Variants in TTI1 observed in about 807,000 individuals in gnomAD.
TTI1 encodes TELO2-interacting protein 1 homolog.
In TTI1, 52 loss-of-function variants were observed where a neutral mutation model predicts 85.4. That is an observed-to-expected ratio of 0.61 (90% CI 0.49 to 0.77). The LOEUF (loss-of-function observed/expected upper bound fraction) is 0.77, where lower values mean the gene tolerates loss of function less well. Ranked by LOEUF, TTI1 falls within the 30% of genes least tolerant of loss-of-function variation. TTI1 has a pLI of 0.00. For missense variants in TTI1, 1,173 were observed against 1,296.0 expected (o/e 0.91, Z 1.46); for synonymous variants, 512 against 503.9 (o/e 1.02, Z -0.22).
intron 4 of TTI1, among the ~76,000 whole-genome samples, chr20:38,002,001 G>A (rs1202684784): frequency 2.0e-5 from 3 of 152,178 alleles, no homozygotes; most frequent in African/African-American, 7.2e-5. Flanking sequence ...ACAGGCGTGA[G>A]CCACCGCGCC....
chr20:38,013,472 C>T lies in TTI1; in HGVS notation c.345G>A (p.Val115=). The T allele has an allele frequency of 6.2e-7, 1 of 1,614,022 alleles. No homozygotes were observed. Among genetic ancestry groups the T allele is most frequent in the African/African-American group, 1.3e-5 (1 of 75,032 alleles). The change falls in exon 2 of 8, where the codon GTG becomes GTA. Residue 115 remains valine (V), a synonymous_variant. Transcript: ENST00000373447. The part of the protein sequence containing the change: ...YSPSSQKPAA[V]SEELKLAVIQ... ...TCACAGCCAATTTCAACTCCTCGGA[C>T]ACAGCCGCAGGTTTTTGGGAGCTGG...
intron 1 of TTI1, among the ~76,000 whole-genome samples, chr20:38,032,405 G>A (rs949517439): frequency 6.6e-6 from 1 of 152,222 alleles, no homozygotes; most frequent in Non-Finnish European, 1.5e-5. Context: ...CTAAACTAGA[G>A]TCTGCCCACA....
rs769188325 is a variant in TTI1, at chr20:38,012,366, A to T, written c.1451T>A (p.Ile484Asn). The change falls in exon 2 of 8, where the codon ATC (isoleucine) becomes AAC (asparagine). Residue 484 changes from isoleucine to asparagine, a missense_variant. Ile to Asn is a moderately radical substitution (Grantham distance 149). Transcript: ENST00000373447. ...ACAAACCTGCCTCAAGAGCATGAAG[A>T]TTCTCTCATCAGTGAAGAAGCGGAA... ...RYFRFFTDER[I>N]FMLLRQVCQL... The T allele has an allele frequency of 4.3e-6, 7 of 1,614,192 alleles. No individual in the cohort carries two copies. The highest frequency in any genetic ancestry group is 5.1e-6 in the Non-Finnish European group (6 of 1,180,038).
chr20:38,016,118 C>T (rs965535193), intron 1 of TTI1, among the ~76,000 whole-genome samples: 14 of 152,184 alleles, frequency 9.2e-5, no homozygotes, highest in Non-Finnish European at 1.5e-4. Context: ...TGGAATAGCA[C>T]CTACTTACTG....
chr20:38,020,310 G>GAA (rs772839935), intron 1 of TTI1, among the ~76,000 whole-genome samples: 581 of 48,172 alleles, frequency 0.012, 24 homozygotes, highest in East Asian at 0.024. Context: ...CTACTCATAT[G>GAA]AAAAAAAAAA....
chr20:38,020,697 T>A (rs1354944121), intron 1 of TTI1, among the ~76,000 whole-genome samples: 2 of 151,922 alleles, frequency 1.3e-5, no homozygotes, highest in Admixed American at 1.3e-4. Flanking sequence ...AGGACCTGAA[T>A]AGACATATCA....
chr20:38,026,172 T>C (rs940368154), intron 1 of TTI1, among the ~76,000 whole-genome samples: 2 of 152,174 alleles, frequency 1.3e-5, no homozygotes, highest in African/African-American at 4.8e-5. Context: ...AACAATTTTT[T>C]TTTTTGAGAC....
In TTI1 at chr20:38,013,481, A is replaced by G. The variant is rs1353308803; in HGVS notation, c.336T>C (p.Pro112=). The change falls in exon 2 of 8, where the codon CCT becomes CCC. Residue 112 remains proline (P), a synonymous_variant. Transcript: ENST00000373447. ...ATTTCAACTCCTCGGACACAGCCGC[A>G]GGTTTTTGGGAGCTGGGTGAATACA... ...ACLYSPSSQK[P]AAVSEELKLA... 4 of 1,614,030 alleles carry G rather than the reference A, an allele frequency of 2.5e-6. No individual in the cohort carries two copies. The highest frequency in any genetic ancestry group is 2.5e-6 in the Non-Finnish European group (3 of 1,180,046).
At chr20:38,023,447 C>G (rs35291442) in intron 1 of TTI1, among the ~76,000 whole-genome samples, 41,540 of 152,190 alleles carry the variant, frequency 0.27, 7,799 homozygotes, top group African/African-American at 0.54. Context: ...CCCATGGCCA[C>G]TGAGGTGTGG....
chr20:38,009,251 T>A (rs1159980346), intron 2 of TTI1, among the ~76,000 whole-genome samples: 1 of 152,200 alleles, frequency 6.6e-6, no homozygotes, highest in Non-Finnish European at 1.5e-5. Context: ...GTCAGTCCTA[T>A]GAGGGGCTCC....
intron 1 of TTI1, among the ~76,000 whole-genome samples, chr20:38,023,958 A>T (rs889992461): frequency 1.3e-5 from 2 of 152,122 alleles, no homozygotes; most frequent in Admixed American, 1.3e-4. Context: ...TCCCATACAT[A>T]TTTCCGGAAA....
At chr20:38,003,568 C>T (rs1222338101) in intron 3 of TTI1, among the ~76,000 whole-genome samples, 1 of 152,082 alleles carries the variant, frequency 6.6e-6, no homozygotes, top group Non-Finnish European at 1.5e-5. Flanking sequence ...GCCTGACCAA[C>T]ATGGCAAAAC....
rs1308529530 is a variant in TTI1 at position 38,012,205 on chromosome 20, C to T, written c.1612G>A (p.Val538Ile). Reference protein sequence around the residue: ...ELVTGAAGLEVEDLHEKHIKT... With the variant: ...ELVTGAAGLEIEDLHEKHIKT... ...ATATGTTTTTCGTGAAGATCCTCAA[C>T]CTCCAGCCCAGCAGCCCCTGTAACC... Residue 538 changes from valine (V) to isoleucine (I), a missense_variant, in exon 2 of 8, where the codon GTT (valine) becomes ATT (isoleucine). Val to Ile is a conservative substitution (Grantham distance 29). Transcript: ENST00000373447. 5.0e-6 allele frequency: 8 copies of T among 1,614,192 alleles called. No homozygotes were observed. The highest frequency in any genetic ancestry group is 3.3e-4 in the Middle Eastern group (2 of 6,062).
chr20:38,025,016 T>C (rs2073818198), intron 1 of TTI1, among the ~76,000 whole-genome samples: 1 of 152,088 alleles, frequency 6.6e-6, no homozygotes. Context: ...TCAGCAGTAG[T>C]GGGGAGACCT....
rs574248558 is a variant in TTI1, at chr20:37,986,758, G to A, written c.3087-3119C>T. ...TTCCTTCTTTTCTTCCAGAAAGAGA[G>A]AGAGAGGGACACAGAGTCTGAGGCA... On this transcript the variant is annotated intron_variant, in intron 7 of 7. Coordinates refer to ENST00000373447, the MANE Select transcript of TTI1 (RefSeq NM_001303457.2). 5.3e-4 allele frequency among the ~76,000 whole-genome samples: 80 copies of A among 152,336 alleles called. 1 individual carries two copies. The highest frequency in any genetic ancestry group is 1.7e-3 in the African/African-American group (72 of 41,570).
intron 2 of TTI1, 32 bp from the exon 3 acceptor site, chr20:38,006,429 G>T: frequency 6.2e-7 from 1 of 1,611,338 alleles, no homozygotes. Flanking sequence ...GATCACCTTG[G>T]CTATTAACAA....
chr20:38,031,020 C>T (rs553405364), intron 1 of TTI1, among the ~76,000 whole-genome samples: 45 of 152,198 alleles, frequency 3.0e-4, no homozygotes, highest in Non-Finnish European at 5.3e-4. Flanking sequence ...AATCTATCAG[C>T]GGATCCTGTT....
At chr20:37,992,185 G>T (rs962576839) in intron 7 of TTI1, among the ~76,000 whole-genome samples, 1 of 152,172 alleles carries the variant, frequency 6.6e-6, no homozygotes, top group Non-Finnish European at 1.5e-5. Context: ...TGGGCTCTGG[G>T]GTTAGCAGGT....
Position 38,012,455 on chromosome 20 carries a change from A to T in TTI1, c.1362T>A (p.Asp454Glu), listed in dbSNP as rs780334984. 8.7e-6 allele frequency: 14 copies of T among 1,614,116 alleles called. No individual in the cohort carries two copies. In the African/African-American group the frequency reaches 1.1e-4, roughly 12 times the overall value. The stretch of plus-strand genomic sequence containing the variant: ...AGGTCTTTGGAGAAGCATTCAGATC[A>T]TCAGAGTTCCAACGCCGTTCCTCAA... ...KIVEERRWNS[D>E]DLNASPKTSA... Residue 454 changes from aspartate (D) to glutamate (E), a missense_variant, in exon 2 of 8, where the codon GAT becomes GAA. By Grantham distance (45) the Asp-to-Glu change is conservative. Coordinates refer to ENST00000373447, the MANE Select transcript of TTI1 (RefSeq NM_001303457.2).
Sources: allele counts gnomAD v4.1 joint callset (sites outside exome capture counted in the v4.1 genomes callset), GRCh38; gene constraint gnomAD v4.1.1; transcripts MANE v1.5; gene names NCBI Gene and HGNC (gene_info 2026-07-23, HGNC 2026-07-21).